Variants in MAP4K3 observed in about 807,000 individuals in gnomAD.
The protein encoded by MAP4K3 is MAPK/ERK kinase kinase kinase 3.
A neutral mutation model predicts 143.5 loss-of-function variants in MAP4K3; 94 were observed. The observed-to-expected ratio is 0.65, with a 90% CI of 0.55 to 0.78. The LOEUF is 0.78. Ranked by LOEUF, MAP4K3 falls within the 30% of genes least tolerant of loss-of-function variation. MAP4K3 has a pLI of 0.00. For synonymous variants in MAP4K3, 416 were observed against 347.2 expected (o/e 1.20, Z -2.20); for missense variants, 1,077 against 1,068.1 (o/e 1.01, Z -0.12).
chr2:39,413,202 A>G (rs547843873), intron 1 of MAP4K3, among the ~76,000 whole-genome samples: 1 of 152,348 alleles, frequency 6.6e-6, no homozygotes, highest in Non-Finnish European at 1.5e-5. Context: ...TTGTATCAGA[A>G]AGAGAAAAAT....
intron 3 of MAP4K3, among the ~76,000 whole-genome samples, chr2:39,351,448 T>C (rs1665455100): frequency 6.6e-6 from 1 of 152,254 alleles, no homozygotes; most frequent in Non-Finnish European, 1.5e-5. Flanking sequence ...TAGCATATTA[T>C]GTTACGATTA....
chr2:39,263,359 G>A (rs1215000368), intron 28 of MAP4K3, among the ~76,000 whole-genome samples: 4 of 143,118 alleles, frequency 2.8e-5, no homozygotes, highest in Admixed American at 7.2e-5. Flanking sequence ...TGCAAGCTCC[G>A]CCTCCCGGGT....
intron 15 of MAP4K3, among the ~76,000 whole-genome samples, chr2:39,304,483 A>G (rs1682623446): frequency 6.6e-6 from 1 of 152,264 alleles, no homozygotes; most frequent in African/African-American, 2.4e-5. Context: ...TGATAAAATT[A>G]GAACACAGAA....
At chr2:39,269,422 G>T (rs1405139549) in intron 26 of MAP4K3, among the ~76,000 whole-genome samples, 1 of 150,518 alleles carries the variant, frequency 6.6e-6, no homozygotes, top group African/African-American at 2.5e-5. Flanking sequence ...CTCCAATAAA[G>T]AGGTAGGTTA....
chr2:39,349,466 T>C (rs527527060), intron 3 of MAP4K3, among the ~76,000 whole-genome samples: 1 of 152,320 alleles, frequency 6.6e-6, no homozygotes, highest in East Asian at 1.9e-4. Flanking sequence ...GGTGGGCCAC[T>C]GAACATCAAT....
chr2:39,307,910 T>C (rs1392406944), intron 15 of MAP4K3, 33 bp downstream of exon 15: 4 of 1,477,052 alleles, frequency 2.7e-6, no homozygotes, highest in Non-Finnish European at 2.7e-6. Flanking sequence ...ACTAAAACAA[T>C]GCTGACAAAG....
At chr2:39,328,242 G>C (rs111507630) in intron 8 of MAP4K3, among the ~76,000 whole-genome samples, 8 of 152,242 alleles carry the variant, frequency 5.3e-5, no homozygotes, top group Admixed American at 3.3e-4. Context: ...GAGGTGGGAC[G>C]ATCGCTTGAG....
intron 3 of MAP4K3, among the ~76,000 whole-genome samples, chr2:39,345,098 C>G (rs1037952029): frequency 2.0e-5 from 3 of 152,156 alleles, no homozygotes; most frequent in Non-Finnish European, 2.9e-5. Context: ...CTGAGCCAGG[C>G]CCAGTGGCTC....
intron 1 of MAP4K3, among the ~76,000 whole-genome samples, chr2:39,389,190 T>C (rs936456239): frequency 6.6e-6 from 1 of 151,824 alleles, no homozygotes; most frequent in Non-Finnish European, 1.5e-5. Flanking sequence ...AAGAACAAAA[T>C]AGAATTTCTA....
chr2:39,394,007 A>G (rs1360942923), intron 1 of MAP4K3, among the ~76,000 whole-genome samples: 1 of 152,184 alleles, frequency 6.6e-6, no homozygotes, highest in African/African-American at 2.4e-5. Context: ...TAAAATTTCA[A>G]AGTAAATTAA....
intron 1 of MAP4K3, among the ~76,000 whole-genome samples, chr2:39,402,766 T>A: frequency 6.8e-6 from 1 of 147,224 alleles, no homozygotes; most frequent in African/African-American, 2.5e-5. Flanking sequence ...AAGATAAACT[T>A]CTAGCCAAAC....
chr2:39,343,214 G>T (rs1287579964), intron 4 of MAP4K3, among the ~76,000 whole-genome samples, 174 bp downstream of exon 4: 1 of 152,130 alleles, frequency 6.6e-6, no homozygotes, highest in Non-Finnish European at 1.5e-5. Flanking sequence ...AAATTAAAAA[G>T]CAAAGACTCC....
intron 4 of MAP4K3, among the ~76,000 whole-genome samples, chr2:39,340,950 T>C (rs1665120724): frequency 6.6e-6 from 1 of 152,114 alleles, no homozygotes; most frequent in African/African-American, 2.4e-5. Flanking sequence ...CATGAAGACC[T>C]ACTGTACATC....
intron 16 of MAP4K3, among the ~76,000 whole-genome samples, chr2:39,296,639 A>C (rs1255849407): frequency 6.6e-6 from 1 of 152,216 alleles, no homozygotes; most frequent in East Asian, 1.9e-4. Context: ...CATCTTTAAA[A>C]ATTGTCTAAC....
At chr2:39,273,832 T>C (rs1216323088) in intron 24 of MAP4K3, among the ~76,000 whole-genome samples, 2 of 152,242 alleles carry the variant, frequency 1.3e-5, no homozygotes, top group South Asian at 2.1e-4. Context: ...TCCTACTTTC[T>C]GCTTTTCACA....
At chr2:39,262,347 C>A (rs979217622) in intron 28 of MAP4K3, among the ~76,000 whole-genome samples, 1 of 152,174 alleles carries the variant, frequency 6.6e-6, no homozygotes, top group African/African-American at 2.4e-5. Context: ...TCCACGGGCA[C>A]AGACACTTCA....
chr2:39,381,649 T>A (rs1488076377), intron 1 of MAP4K3, among the ~76,000 whole-genome samples: 3 of 152,342 alleles, frequency 2.0e-5, no homozygotes, highest in African/African-American at 7.2e-5. Flanking sequence ...CTGAGTGAAT[T>A]TTTATACTGT....
chr2:39,301,322 T>G (rs550457968), intron 15 of MAP4K3, among the ~76,000 whole-genome samples: 17 of 152,314 alleles, frequency 1.1e-4, no homozygotes, highest in Non-Finnish European at 4.4e-5. Flanking sequence ...AAAAAGGACA[T>G]CTGTACTCTT....
chr2:39,434,247 A>T (rs940718734), intron 1 of MAP4K3, among the ~76,000 whole-genome samples: 1 of 152,242 alleles, frequency 6.6e-6, no homozygotes, highest in African/African-American at 2.4e-5. Flanking sequence ...TCTCTAGCAC[A>T]ATTAATTTGT....
Sources: allele counts gnomAD v4.1 joint callset (sites outside exome capture counted in the v4.1 genomes callset), GRCh38; gene constraint gnomAD v4.1.1; transcripts MANE v1.5; gene names NCBI Gene and HGNC (gene_info 2026-07-23, HGNC 2026-07-21).